TSPAN18: variants seen among roughly 807,000 people sequenced by gnomAD.
TSPAN18 encodes the protein tetraspanin 18, also known as tetraspanin-18.
Under a neutral mutation model 27.3 loss-of-function variants are expected in TSPAN18, and 14 were observed. The ratio of observed to expected loss-of-function variants is 0.51; its 90% CI spans 0.34 to 0.80. TSPAN18 has a LOEUF of 0.80. TSPAN18 is among the 30% of genes least tolerant of loss of function. The pLI is 0.01. For missense variants in TSPAN18, 268 were observed against 323.9 expected (o/e 0.83, Z 1.32); for synonymous variants, 143 against 136.5 (o/e 1.05, Z -0.33).
chr11:44,743,759 T>C (rs1333150820), intron 1 of TSPAN18, among the ~76,000 whole-genome samples: 3 of 152,154 alleles, frequency 2.0e-5, no homozygotes, highest in African/African-American at 7.2e-5. Context: ...ACTTCCTGGT[T>C]GTGGATGGGC....
intron 2 of TSPAN18, among the ~76,000 whole-genome samples, chr11:44,830,242 C>T (rs543323537): frequency 6.6e-6 from 1 of 152,238 alleles, no homozygotes; most frequent in Non-Finnish European, 1.5e-5. Flanking sequence ...GCAGATACAT[C>T]TCCTTGGAGA....
At chr11:44,795,849 C>A (rs1290174392) in intron 2 of TSPAN18, among the ~76,000 whole-genome samples, 2 of 152,048 alleles carry the variant, frequency 1.3e-5, no homozygotes, top group Non-Finnish European at 2.9e-5. Context: ...GCACCAAGGA[C>A]CTTTGGAGGC....
intron 2 of TSPAN18, among the ~76,000 whole-genome samples, chr11:44,817,949 T>C (rs1225857287): frequency 6.6e-6 from 1 of 152,202 alleles, no homozygotes; most frequent in Non-Finnish European, 1.5e-5. Context: ...GGAACTGAAA[T>C]TATTCCTGCT....
chr11:44,732,184 G>A (rs1400286916), intron 1 of TSPAN18, among the ~76,000 whole-genome samples: 8 of 152,230 alleles, frequency 5.3e-5, no homozygotes, highest in East Asian at 1.9e-4. Context: ...GCTTGGGAGG[G>A]GCCAGGCCAG....
At chr11:44,913,021 A>T (rs1429732870) in intron 5 of TSPAN18, among the ~76,000 whole-genome samples, 2 of 152,232 alleles carry the variant, frequency 1.3e-5, no homozygotes, top group African/African-American at 2.4e-5. Flanking sequence ...AAAAATAAGA[A>T]AAACCACTTC....
chr11:44,866,511 C>T (rs1858040824), intron 3 of TSPAN18, among the ~76,000 whole-genome samples: 1 of 152,178 alleles, frequency 6.6e-6, no homozygotes, highest in Non-Finnish European at 1.5e-5. Context: ...TCTGTGCTAG[C>T]CAGGGCACAG....
At chr11:44,833,570 C>G (rs539580571) in intron 2 of TSPAN18, among the ~76,000 whole-genome samples, 1 of 152,008 alleles carries the variant, frequency 6.6e-6, no homozygotes, top group Non-Finnish European at 1.5e-5. Flanking sequence ...CTTCTGTGCT[C>G]GAAAAGGCTT....
At chr11:44,815,282 A>G (rs1199693596) in intron 2 of TSPAN18, among the ~76,000 whole-genome samples, 2 of 152,184 alleles carry the variant, frequency 1.3e-5, no homozygotes, top group East Asian at 3.9e-4. Flanking sequence ...TTCTCTCCTC[A>G]TTTCTCAATC....
chr11:44,908,790 A>AGAAAGAAGGAAGGAAGGAAG (rs1859578260), intron 4 of TSPAN18, among the ~76,000 whole-genome samples: 3 of 94,516 alleles, frequency 3.2e-5, no homozygotes, highest in African/African-American at 1.5e-4. Flanking sequence ...AAAGAAAGAA[A>AGAAAGAAGGAAGGAAGGAAG]GAAAGAAAGA....
intron 3 of TSPAN18, among the ~76,000 whole-genome samples, chr11:44,862,129 C>T (rs542120187): frequency 3.9e-5 from 6 of 152,206 alleles, no homozygotes; most frequent in Admixed American, 3.9e-4. Flanking sequence ...ATCTGAAGCC[C>T]CTTAGAGGGA....
At chr11:44,739,420 C>T (rs765861469) in intron 1 of TSPAN18, among the ~76,000 whole-genome samples, 2 of 152,100 alleles carry the variant, frequency 1.3e-5, no homozygotes, top group Admixed American at 6.5e-5. Flanking sequence ...GTTAGGAGCT[C>T]GAGACCATGC....
intron 2 of TSPAN18, among the ~76,000 whole-genome samples, chr11:44,797,422 C>T (rs1055894934): frequency 2.0e-5 from 3 of 152,020 alleles, no homozygotes; most frequent in South Asian, 2.1e-4. Context: ...GTGGGGGCCA[C>T]GGTACCCATC....
At chr11:44,848,649 G>A (rs1857534396) in intron 2 of TSPAN18, among the ~76,000 whole-genome samples, 1 of 152,230 alleles carries the variant, frequency 6.6e-6, no homozygotes, top group Non-Finnish European at 1.5e-5. Flanking sequence ...GAAAGAGAGA[G>A]CACCAGACTC....
intron 2 of TSPAN18, among the ~76,000 whole-genome samples, chr11:44,788,982 C>T (rs1309651408): frequency 6.6e-6 from 1 of 152,144 alleles, no homozygotes. Context: ...TGCCTGGGCT[C>T]GGCATGTGGA....
chr11:44,874,663 A>G (rs1858281907), intron 3 of TSPAN18, among the ~76,000 whole-genome samples: 1 of 152,180 alleles, frequency 6.6e-6, no homozygotes, highest in Non-Finnish European at 1.5e-5. Context: ...CCAGCCGGAG[A>G]ACTAATTGCA....
chr11:44,925,713 G>A (rs1166227932), intron 8 of TSPAN18: 1 of 152,220 alleles, frequency 6.6e-6, no homozygotes, highest in Non-Finnish European at 1.5e-5. Context: ...TTGTTCCCTT[G>A]CAGGTTCTCA....
At chr11:44,738,943 C>T (rs1011817202) in intron 1 of TSPAN18, among the ~76,000 whole-genome samples, 4 of 152,146 alleles carry the variant, frequency 2.6e-5, no homozygotes, top group African/African-American at 7.2e-5. Context: ...CCAGGTAGTC[C>T]GAACCTGGAG....
At chr11:44,802,443 G>A (rs536843851) in intron 2 of TSPAN18, among the ~76,000 whole-genome samples, 23 of 152,186 alleles carry the variant, frequency 1.5e-4, no homozygotes, top group Admixed American at 1.4e-3. Flanking sequence ...AAGCAGAGAA[G>A]CTCCAGATTC....
chr11:44,782,162 A>C (rs1220693513), intron 2 of TSPAN18, among the ~76,000 whole-genome samples: 1 of 152,232 alleles, frequency 6.6e-6, no homozygotes, highest in East Asian at 1.9e-4. Context: ...TTTGAGTCCA[A>C]GTCTTTGTGT....
Sources: gnomAD v4.1 joint callset for allele counts (sites outside exome capture counted in the v4.1 genomes callset) on GRCh38, gnomAD v4.1.1 for gene constraint, MANE v1.5 for transcripts, NCBI Gene and HGNC (gene_info 2026-07-23, HGNC 2026-07-21) for gene names.